WDR59: variants seen among roughly 807,000 people sequenced by gnomAD.
WDR59 encodes the protein WD repeat domain 59.
Under a neutral mutation model 131.2 loss-of-function variants are expected in WDR59, and 100 were observed. The ratio of observed to expected loss-of-function variants is 0.76; its 90% CI spans 0.65 to 0.90. WDR59 has a LOEUF of 0.90. Ranked by LOEUF, WDR59 falls within the 40% of genes least tolerant of loss-of-function variation. The probability of loss-of-function intolerance (pLI) is 0.00; values close to 1 mark genes in which losing one functional copy is unlikely to be tolerated. For synonymous variants in WDR59, 601 were observed against 466.2 expected (o/e 1.29, Z -3.72); for missense variants, 1,203 against 1,262.2 (o/e 0.95, Z 0.71).
chr16:74,975,528 A>T (rs919909805), intron 1 of WDR59, among the ~76,000 whole-genome samples: 3 of 151,386 alleles, frequency 2.0e-5, no homozygotes, highest in Admixed American at 6.6e-5. Flanking sequence ...GCCGGACATG[A>T]TGGCAGGCGC....
intron 8 of WDR59, among the ~76,000 whole-genome samples, chr16:74,929,747 T>C (rs1405993359): frequency 1.3e-5 from 2 of 152,180 alleles, no homozygotes; most frequent in Non-Finnish European, 2.9e-5. Flanking sequence ...TATTGCAGTA[T>C]TACTCACAAT....
chr16:74,916,306 T>A lies in WDR59; in HGVS notation c.967-47A>T, dbSNP rs538257581. 239 of 1,610,448 alleles carry A rather than the reference T, an allele frequency of 1.5e-4. 4 individuals carry two copies. The South Asian group carries it at 2.4e-3, about 16-fold the overall frequency. ...GTAGTTCTAGAGAAGTCCGTGGAAATGATTGTCATGTCTGATTAAAGAGTT... is the reference window on the plus strand; with the variant it reads ...GTAGTTCTAGAGAAGTCCGTGGAAAAGATTGTCATGTCTGATTAAAGAGTT... On this transcript the variant is annotated intron_variant, in intron 11 of 25. Coordinates refer to ENST00000262144, the MANE Select transcript of WDR59 (RefSeq NM_030581.4).
chr16:74,874,527 G>A, intron 25 of WDR59, 83 bp from the exon 26 acceptor site: 5 of 1,200,954 alleles, frequency 4.2e-6, no homozygotes, highest in Non-Finnish European at 4.8e-6. Flanking sequence ...CCAGGAAGAA[G>A]GAAGTCTTCC....
chr16:74,947,707 G>T (rs1332873775), intron 6 of WDR59, among the ~76,000 whole-genome samples: 1 of 152,088 alleles, frequency 6.6e-6, no homozygotes, highest in Non-Finnish European at 1.5e-5. Flanking sequence ...GTATGATATT[G>T]GGATTCTTCT....
At chr16:74,957,654 G>A (rs1366946080) in intron 2 of WDR59, among the ~76,000 whole-genome samples, 1 of 152,130 alleles carries the variant, frequency 6.6e-6, no homozygotes, top group Non-Finnish European at 1.5e-5. Context: ...TGAAAACAGG[G>A]AGGTTCTGCA....
intron 9 of WDR59, among the ~76,000 whole-genome samples, 168 bp downstream of exon 9, chr16:74,923,758 G>C (rs2030493708): frequency 1.3e-5 from 2 of 152,238 alleles, no homozygotes; most frequent in African/African-American, 4.8e-5. Flanking sequence ...AAAATTTTAA[G>C]TAGTTAACAG....
chr16:74,979,022 G>C (rs1163601837), intron 1 of WDR59: 1 of 152,146 alleles, frequency 6.6e-6, no homozygotes, highest in Non-Finnish European at 1.5e-5. Flanking sequence ...CTTTCCTTGA[G>C]AGTGAAAACT....
At chr16:74,957,966 T>G (rs4888320) in intron 2 of WDR59, among the ~76,000 whole-genome samples, 13,912 of 152,084 alleles carry the variant, frequency 0.091, 715 homozygotes, top group Admixed American at 0.14. Flanking sequence ...AGAACAAATA[T>G]CACATAGAAT....
intron 1 of WDR59, among the ~76,000 whole-genome samples, chr16:74,966,337 C>T (rs1167126304): frequency 2.0e-5 from 3 of 151,804 alleles, no homozygotes; most frequent in Non-Finnish European, 2.9e-5. Context: ...AAAATTAGCC[C>T]GGTGTTGTGG....
chr16:74,911,167 G>T (rs1015177488), intron 14 of WDR59, among the ~76,000 whole-genome samples: 1 of 152,078 alleles, frequency 6.6e-6, no homozygotes, highest in African/African-American at 2.4e-5. Context: ...CCCGGAAAAG[G>T]TCTGATTTTT....
intron 1 of WDR59, 53 bp downstream of exon 1, chr16:74,984,911 G>C (rs2034564081): frequency 1.4e-5 from 22 of 1,583,332 alleles, no homozygotes; most frequent in Non-Finnish European, 1.8e-5. Context: ...GCGTGGGGGA[G>C]GGGAAGCGGG....
At chr16:74,984,769 C>A in intron 1 of WDR59, 195 bp downstream of exon 1, 1 of 701,266 alleles carries the variant, frequency 1.4e-6, no homozygotes, top group Non-Finnish European at 2.4e-6. Context: ...AAACTCCGTC[C>A]ATGCTCGCCC....
intron 7 of WDR59, among the ~76,000 whole-genome samples, chr16:74,939,544 TA>T (rs533775745): frequency 8.0e-4 from 117 of 145,880 alleles, no homozygotes; most frequent in East Asian, 1.2e-3. Context: ...AAACTAAGTT[TA>T]AAAAAAAAAA....
chr16:74,948,445 C>T (rs1042604986), intron 6 of WDR59, 74 bp downstream of exon 6: 19 of 1,368,330 alleles, frequency 1.4e-5, no homozygotes, highest in Non-Finnish European at 2.0e-5. Context: ...TAGGAAGGAA[C>T]GGGAAAGAAC....
At chr16:74,899,621 G>C (rs1363808641) in intron 18 of WDR59, 31 of 1,189,548 alleles carry the variant, frequency 2.6e-5, no homozygotes, top group Non-Finnish European at 3.2e-5. Context: ...CTCAAAGCCA[G>C]GCAGGTGGCA....
chr16:74,906,656 T>G (rs1002254001), intron 17 of WDR59, among the ~76,000 whole-genome samples: 1 of 152,234 alleles, frequency 6.6e-6, no homozygotes, highest in African/African-American at 2.4e-5. Flanking sequence ...CAAACTGTGT[T>G]GCATTCATAC....
chr16:74,982,646 G>C (rs1030378937), intron 1 of WDR59, among the ~76,000 whole-genome samples: 1 of 152,174 alleles, frequency 6.6e-6, no homozygotes, highest in Non-Finnish European at 1.5e-5. Context: ...GCCAGTAAAA[G>C]CAATTAACAA....
intron 18 of WDR59, among the ~76,000 whole-genome samples, chr16:74,900,445 T>C (rs1440512911): frequency 6.6e-6 from 1 of 152,222 alleles, no homozygotes; most frequent in African/African-American, 2.4e-5. Flanking sequence ...AAGATCTCTC[T>C]AGTTATTTAC....
intron 3 of WDR59, among the ~76,000 whole-genome samples, chr16:74,954,234 C>T (rs899767742): frequency 6.6e-6 from 1 of 151,902 alleles, no homozygotes; most frequent in East Asian, 1.9e-4. Flanking sequence ...CACGGAGAAA[C>T]CCTGTCTCTA....
Sources: gnomAD v4.1 joint callset for allele counts (sites outside exome capture counted in the v4.1 genomes callset) on GRCh38, gnomAD v4.1.1 for gene constraint, MANE v1.5 for transcripts, NCBI Gene and HGNC (gene_info 2026-07-23, HGNC 2026-07-21) for gene names.